The following TBCK variants were observed in gnomAD, a reference collection of about 807,000 sequenced individuals.
TBCK encodes the protein TBC domain-containing protein kinase-like protein.
In TBCK, 99 loss-of-function variants were observed where a neutral mutation model predicts 113.4. That is an observed-to-expected ratio of 0.87 (90% CI 0.74 to 1.03). The LOEUF (loss-of-function observed/expected upper bound fraction) is 1.03, where lower values mean the gene tolerates loss of function less well. TBCK is among the 50% of genes least tolerant of loss of function. The pLI is 0.00. For missense variants in TBCK, 1,045 were observed against 1,061.3 expected, an observed-to-expected ratio of 0.98 and a Z score of 0.21; for synonymous variants, 369 against 370.8, an observed-to-expected ratio of 1.00 and a Z score of 0.05.
At chr4:106,275,124 CA>C (rs1763890209) in intron 3 of TBCK, among the ~76,000 whole-genome samples, 1 of 151,390 alleles carries the variant, frequency 6.6e-6, no homozygotes, top group Non-Finnish European at 1.5e-5. Flanking sequence ...CACATACACA[CA>C]AAAAAAGAAT....
intron 23 of TBCK, among the ~76,000 whole-genome samples, chr4:106,122,768 C>A (rs1744609130): frequency 6.6e-6 from 1 of 152,078 alleles, no homozygotes; most frequent in Non-Finnish European, 1.5e-5. Context: ...GAGCCAAAGA[C>A]AAAAACCACA....
chr4:106,205,295 C>A (rs1343612563), intron 20 of TBCK, among the ~76,000 whole-genome samples: 1 of 152,018 alleles, frequency 6.6e-6, no homozygotes, highest in Non-Finnish European at 1.5e-5. Flanking sequence ...TGTAACTCAG[C>A]AACCAATATT....
intron 20 of TBCK, among the ~76,000 whole-genome samples, chr4:106,200,287 T>G (rs1052820773): frequency 6.6e-6 from 1 of 152,168 alleles, no homozygotes; most frequent in Non-Finnish European, 1.5e-5. Context: ...ATTCCCACAA[T>G]CTCAGCACTT....
At position 106,193,734 on chromosome 4, in the gene TBCK, T is replaced by C; in HGVS notation, c.1934A>G (p.Asp645Gly). Residue 645 changes from aspartate (D) to glycine (G), a missense_variant, in exon 22 of 26, where the codon GAT (aspartate) becomes GGT (glycine). Physicochemically the swap from Asp to Gly is moderately conservative, Grantham distance 94. Transcript: ENST00000394708. ...AGAGGAATTCCCAAGTAGTAAGGTA[T>C]CCCAGAGGTGGAAAATTTTGTGTAG... Reference protein sequence around the residue: ...FPLHKIFHLWDTLLLGNSSFP... With the variant: ...FPLHKIFHLWGTLLLGNSSFP... 1 of 1,592,416 alleles carries C rather than the reference T, an allele frequency of 6.3e-7. No individual in the cohort carries two copies. The highest frequency in any genetic ancestry group is 2.2e-5 in the East Asian group (1 of 44,632).
intron 25 of TBCK, among the ~76,000 whole-genome samples, chr4:106,065,851 C>A (rs781590247): frequency 1.3e-5 from 2 of 152,094 alleles, no homozygotes; most frequent in Non-Finnish European, 2.9e-5. Context: ...CTACATGGTA[C>A]CTTAAGTAAA....
rs200212250 is a variant in TBCK, at chr4:106,310,880, CAT to C, written c.-29-1893_-29-1892del. 8.4e-3 allele frequency among the ~76,000 whole-genome samples: 1,284 copies of C among 152,070 alleles called. 6 individuals carry two copies. The highest frequency in any genetic ancestry group is 0.013 in the Non-Finnish European group (867 of 67,954). On this transcript the variant is annotated intron_variant, in intron 1 of 25. Transcript: ENST00000394708. ...TAACACAAAAACCAACTCTAACAAA[CAT>C]AGAGAGATTTGAGGAGATATTGCAT...
At chr4:106,257,996 A>T (rs973697207) in intron 5 of TBCK, among the ~76,000 whole-genome samples, 3 of 152,110 alleles carry the variant, frequency 2.0e-5, no homozygotes, top group Non-Finnish European at 4.4e-5. Flanking sequence ...TGAAAAATCA[A>T]GCAAAACTAC....
rs1328493577 is a variant in TBCK, at chr4:106,044,855, A to C, written c.*1715T>G. 6.6e-6 allele frequency: 1 copy of C among 152,244 alleles called. No individual in the cohort carries two copies. Among genetic ancestry groups the C allele is most frequent in the Non-Finnish European group, 1.5e-5 (1 of 68,038 alleles). 9.4% of individuals were successfully genotyped at this position (152,244 alleles called of 1,614,324 possible). ...TAAAGTAAACAATAGCAGCAACAAC[A>C]AAACCATGGCCCAGAAAGCTGAATT... On this transcript the variant is annotated 3_prime_UTR_variant, in exon 26 of 26. Transcript: ENST00000394708.
chr4:106,251,627 G>C (rs1009853494), intron 6 of TBCK, among the ~76,000 whole-genome samples: 2 of 151,748 alleles, frequency 1.3e-5, no homozygotes, highest in East Asian at 1.9e-4. Flanking sequence ...ACATTATAGA[G>C]ATATCAAAAT....
intron 23 of TBCK, among the ~76,000 whole-genome samples, chr4:106,152,377 A>G (rs1298399252): frequency 1.3e-5 from 2 of 152,028 alleles, no homozygotes; most frequent in African/African-American, 4.8e-5. Context: ...TTGATATGAC[A>G]TAACACATTA....
intron 22 of TBCK, among the ~76,000 whole-genome samples, chr4:106,185,469 C>A (rs1291685452): frequency 6.6e-6 from 1 of 152,032 alleles, no homozygotes; most frequent in Non-Finnish European, 1.5e-5. Context: ...CACTGAACAA[C>A]AACTTCCCAT....
chr4:106,170,855 C>A (rs1429191302), intron 23 of TBCK, among the ~76,000 whole-genome samples: 1 of 151,900 alleles, frequency 6.6e-6, no homozygotes, highest in Admixed American at 6.6e-5. Context: ...ACTACAAATG[C>A]ATACAAAAAA....
At chr4:106,205,167 C>T (rs1755328073) in intron 20 of TBCK, among the ~76,000 whole-genome samples, 1 of 152,186 alleles carries the variant, frequency 6.6e-6, no homozygotes, top group African/African-American at 2.4e-5. Flanking sequence ...ATATCTGCCA[C>T]TGTGAAATTG....
intron 23 of TBCK, among the ~76,000 whole-genome samples, chr4:106,125,086 A>G (rs1192577710): frequency 6.6e-6 from 1 of 152,124 alleles, no homozygotes; most frequent in Non-Finnish European, 1.5e-5. Flanking sequence ...GGACGTTAGT[A>G]AGGATGTGGA....
At chr4:106,062,344 T>C (rs1169464772) in intron 25 of TBCK, among the ~76,000 whole-genome samples, 1 of 151,846 alleles carries the variant, frequency 6.6e-6, no homozygotes, top group Non-Finnish European at 1.5e-5. Context: ...CATCATCTAA[T>C]ATCATTTTGT....
At chr4:106,176,189 TC>T (rs1446188571) in intron 22 of TBCK, among the ~76,000 whole-genome samples, 1 of 152,120 alleles carries the variant, frequency 6.6e-6, no homozygotes, top group African/African-American at 2.4e-5. Context: ...ACATTTTAAA[TC>T]TAGCTATTTT....
At chr4:106,230,468 G>T in intron 18 of TBCK, 22 bp from the exon 19 acceptor site, 3 of 1,514,610 alleles carry the variant, frequency 2.0e-6, no homozygotes, top group South Asian at 1.2e-5. Context: ...TAAGGCAAAG[G>T]CATGTAAAAA....
chr4:106,147,607 C>CT (rs1747960746), intron 23 of TBCK, among the ~76,000 whole-genome samples: 1 of 152,046 alleles, frequency 6.6e-6, no homozygotes, highest in Non-Finnish European at 1.5e-5. Flanking sequence ...ATCACTTCCC[C>CT]AATCAGTACC....
At chr4:106,271,762 A>C (rs376784858) in intron 3 of TBCK, among the ~76,000 whole-genome samples, 138 of 152,048 alleles carry the variant, frequency 9.1e-4, no homozygotes, top group South Asian at 2.9e-3. Context: ...AAAAAAAAAA[A>C]AAAACAAAAC....
Sources: gnomAD v4.1 joint callset for allele counts (sites outside exome capture counted in the v4.1 genomes callset) on GRCh38, gnomAD v4.1.1 for gene constraint, MANE v1.5 for transcripts, NCBI Gene and HGNC (gene_info 2026-07-23, HGNC 2026-07-21) for gene names.